Variants in NUGGC observed in about 807,000 individuals in gnomAD.
The protein encoded by NUGGC is nuclear GTPase SLIP-GC.
In NUGGC, 58 loss-of-function variants were observed where a neutral mutation model predicts 92.6. The ratio of observed to expected loss-of-function variants is 0.63; its 90% CI spans 0.51 to 0.78. NUGGC has a LOEUF of 0.78. Among genes scored for constraint, NUGGC ranks in the 30% least tolerant of loss-of-function variants. The pLI is 0.00. For synonymous variants in NUGGC, 376 were observed against 366.4 expected (o/e 1.03, Z -0.30); for missense variants, 925 against 964.6 (o/e 0.96, Z 0.54).
At chr8:28,065,425 G>T (rs995558566) in intron 6 of NUGGC, among the ~76,000 whole-genome samples, 1 of 152,174 alleles carries the variant, frequency 6.6e-6, no homozygotes, top group Non-Finnish European at 1.5e-5. Context: ...CTCCCAAAGT[G>T]CTGGGATTAC....
intron 10 of NUGGC, among the ~76,000 whole-genome samples, chr8:28,048,408 T>C (rs564988829): frequency 1.3e-5 from 2 of 150,860 alleles, no homozygotes; most frequent in African/African-American, 4.9e-5. Flanking sequence ...TTGGGTTTTT[T>C]GTTTGTTTGT....
Position 28,023,340 on chromosome 8 carries a change from C to A in NUGGC, c.2368G>T (p.Gly790Cys), listed in dbSNP as rs1341077690. ...AGTTACAGTGATGTCCCGGGGGGGC[C>A]AGCCTTGCTGGGGGATGCCCTTAGG... ...FLLRASPSKAGPPGTSL is the reference protein window; with the variant it reads ...FLLRASPSKACPPGTSL The change falls in exon 19 of 19, where the codon GGC (glycine) becomes TGC (cysteine). Residue 790 changes from glycine (G) to cysteine (C), a missense_variant. By Grantham distance (159) the Gly-to-Cys change is radical. Coordinates refer to ENST00000413272, the MANE Select transcript of NUGGC (RefSeq NM_001010906.2). 7 of 1,613,778 alleles carry A rather than the reference C, an allele frequency of 4.3e-6. No individual in the cohort carries two copies. Among genetic ancestry groups the A allele is most frequent in the Non-Finnish European group, 8.5e-7 (1 of 1,179,794 alleles).
Position 28,067,565 on chromosome 8 carries a change from C to A in NUGGC, c.660G>T (p.Lys220Asn), listed in dbSNP as rs1317431333. 6.2e-7 allele frequency: 1 copy of A among 1,613,202 alleles called. No homozygotes were observed. Among genetic ancestry groups the A allele is most frequent in the Admixed American group, 1.7e-5 (1 of 59,890 alleles). The stretch of plus-strand genomic sequence containing the variant: ...TGGAGGTGGGGATCTTCCTTTTGGG[C>A]TTCGCCCTCAGTAACTCCTCATAGT... ...SKNYEELLRA[K>N]PKRKIPTSRV... The change falls in exon 6 of 19, where the codon AAG becomes AAT. Residue 220 changes from lysine (K) to asparagine (N), a missense_variant. Coordinates refer to ENST00000413272, the MANE Select transcript of NUGGC (RefSeq NM_001010906.2).
chr8:28,030,509 C>T, intron 15 of NUGGC, 91 bp from the exon 16 acceptor site: 1 of 710,064 alleles, frequency 1.4e-6, no homozygotes, highest in South Asian at 1.5e-5. Flanking sequence ...ATTCCCTCCA[C>T]CTCCACCTTA....
At chr8:28,062,330 G>A (rs1810326870) in intron 7 of NUGGC, among the ~76,000 whole-genome samples, 1 of 152,092 alleles carries the variant, frequency 6.6e-6, no homozygotes. Flanking sequence ...AAAAGCTTTG[G>A]GCTCTGGGCC....
chr8:28,032,294 C>T (rs984936325), intron 14 of NUGGC, among the ~76,000 whole-genome samples: 1 of 152,180 alleles, frequency 6.6e-6, no homozygotes, highest in South Asian at 2.1e-4. Flanking sequence ...GAGTAAGACA[C>T]AAGCAAAGGC....
At chr8:28,026,785 C>T (rs919248839) in intron 18 of NUGGC, among the ~76,000 whole-genome samples, 177 bp downstream of exon 18, 3 of 152,092 alleles carry the variant, frequency 2.0e-5, no homozygotes, top group African/African-American at 7.2e-5. Context: ...TCATCATCAT[C>T]ATCATCATCA....
chr8:28,071,054 A>G (rs1267373167), intron 2 of NUGGC, among the ~76,000 whole-genome samples: 1 of 152,090 alleles, frequency 6.6e-6, no homozygotes, highest in Non-Finnish European at 1.5e-5. Flanking sequence ...CTCATTTGGG[A>G]AAAAACACTG....
At chr8:28,072,935 A>G (rs1810625090) in intron 2 of NUGGC, among the ~76,000 whole-genome samples, 1 of 151,592 alleles carries the variant, frequency 6.6e-6, no homozygotes, top group African/African-American at 2.4e-5. Context: ...TGCTGCCACA[A>G]GGTGTCAGTT....
intron 17 of NUGGC, among the ~76,000 whole-genome samples, chr8:28,028,333 A>G (rs1809321651): frequency 6.6e-6 from 1 of 152,250 alleles, no homozygotes; most frequent in Non-Finnish European, 1.5e-5. Context: ...GCTAGTGAAC[A>G]AGATGCCTCT....
intron 13 of NUGGC, among the ~76,000 whole-genome samples, chr8:28,034,651 T>C (rs1379089294): frequency 1.3e-5 from 2 of 152,056 alleles, no homozygotes; most frequent in Non-Finnish European, 2.9e-5. Context: ...CCCCCATCTC[T>C]ACTAAAAATA....
At chr8:28,063,889 C>T (rs1413156527) in intron 7 of NUGGC, among the ~76,000 whole-genome samples, 1 of 152,208 alleles carries the variant, frequency 6.6e-6, no homozygotes, top group Non-Finnish European at 1.5e-5. Context: ...TCCTCCCACC[C>T]TGTGCTCCAG....
At chr8:28,029,219 C>T (rs1809348355) in intron 17 of NUGGC, 47 bp downstream of exon 17, 2 of 1,575,132 alleles carry the variant, frequency 1.3e-6, no homozygotes, top group African/African-American at 1.3e-5. Context: ...CCTCTCCTCC[C>T]CCGGAGCCTC....
At chr8:28,038,914 T>C (rs1809622802) in intron 13 of NUGGC, among the ~76,000 whole-genome samples, 1 of 152,164 alleles carries the variant, frequency 6.6e-6, no homozygotes. Context: ...CCTCACAGAA[T>C]GGCTGTGAGG....
intron 7 of NUGGC, among the ~76,000 whole-genome samples, chr8:28,063,232 G>A (rs577575017): frequency 1.1e-3 from 172 of 152,286 alleles, no homozygotes; most frequent in African/African-American, 3.9e-3. Flanking sequence ...AGGGGAGCTG[G>A]GCCAGGCAGA....
chr8:28,072,064 A>C (rs1810603908), intron 2 of NUGGC, among the ~76,000 whole-genome samples: 4 of 152,214 alleles, frequency 2.6e-5, no homozygotes, highest in Admixed American at 2.6e-4. Flanking sequence ...CTTCCAGTAG[A>C]AATGGAAGCC....
At chr8:28,079,531 G>A (rs1050576504) in intron 1 of NUGGC, among the ~76,000 whole-genome samples, 1 of 152,168 alleles carries the variant, frequency 6.6e-6, no homozygotes, top group Non-Finnish European at 1.5e-5. Flanking sequence ...GCGAGATTTC[G>A]TCTTAAAAAA....
chr8:28,055,889 T>A lies in NUGGC; in HGVS notation c.1206+76A>T, dbSNP rs941567970. ...AACTTTGGCCCTTGCAACTACACAA[T>A]ACCAGGCATACATTTGTCTCCCAAA... On this transcript the variant is annotated intron_variant, in intron 10 of 18. Transcript: ENST00000413272. The A allele has an allele frequency of 6.4e-6, 5 of 786,350 alleles. No homozygotes were observed. The African/African-American group carries it at 8.8e-5, about 14-fold the overall frequency. 48.7% of individuals were successfully genotyped at this position (786,350 alleles called of 1,614,324 possible).
At chr8:28,035,650 C>G (rs1277160527) in intron 13 of NUGGC, among the ~76,000 whole-genome samples, 1 of 152,144 alleles carries the variant, frequency 6.6e-6, no homozygotes, top group East Asian at 1.9e-4. Flanking sequence ...AGAAGCCACA[C>G]ACTGTCACCT....
Sources: gnomAD v4.1 joint callset for allele counts (sites outside exome capture counted in the v4.1 genomes callset) on GRCh38, gnomAD v4.1.1 for gene constraint, MANE v1.5 for transcripts, NCBI Gene and HGNC (gene_info 2026-07-23, HGNC 2026-07-21) for gene names.